ABCC1: variants seen among roughly 807,000 people sequenced by gnomAD.
The protein encoded by ABCC1 is ATP binding cassette subfamily C member 1 (ABCC1 blood group).
In ABCC1, 83 loss-of-function variants were observed where a neutral mutation model predicts 172.9. The ratio of observed to expected loss-of-function variants is 0.48; its 90% confidence interval spans 0.40 to 0.58. The LOEUF (loss-of-function observed/expected upper bound fraction) is 0.58. Among genes scored for constraint, ABCC1 ranks in the 20% least tolerant of loss-of-function variants. The pLI is 0.00. For synonymous variants in ABCC1, 937 were observed against 825.2 expected, an observed-to-expected ratio of 1.14 and a Z score of -2.32; for missense variants, 1,817 against 2,002.7, an observed-to-expected ratio of 0.91 and a Z score of 1.77.
At chr16:16,058,694 A>G (rs534871548) in intron 12 of ABCC1, among the ~76,000 whole-genome samples, 5 of 152,158 alleles carry the variant, frequency 3.3e-5, no homozygotes, top group Admixed American at 6.5e-5. Context: ...TCTGTCACCC[A>G]GGTTGGATTG....
intron 1 of ABCC1, among the ~76,000 whole-genome samples, chr16:16,007,483 C>A (rs2047588736): frequency 6.6e-6 from 1 of 152,134 alleles, no homozygotes; most frequent in South Asian, 2.1e-4. Context: ...CTTGGCCTCC[C>A]AAAGTGCTGG....
chr16:15,949,303 C>A (rs567600722), upstream of ABCC1, among the ~76,000 whole-genome samples: 6 of 152,232 alleles, frequency 3.9e-5, no homozygotes, highest in South Asian at 1.2e-3. Flanking sequence ...GTGACGGATA[C>A]TGTCCTTAAA....
chr16:16,053,069 A>G (rs1264059706), intron 11 of ABCC1, among the ~76,000 whole-genome samples: 1 of 152,148 alleles, frequency 6.6e-6, no homozygotes, highest in Non-Finnish European at 1.5e-5. Flanking sequence ...GGCAGCCAAG[A>G]TTGAGAGCTC....
intron 12 of ABCC1, among the ~76,000 whole-genome samples, chr16:16,067,662 C>A (rs1446502668): frequency 6.6e-6 from 1 of 152,122 alleles, no homozygotes; most frequent in African/African-American, 2.4e-5. Context: ...GTATGACCTT[C>A]CAGGAAGTAA....
At chr16:16,046,723 T>TC (rs1311018490) in intron 9 of ABCC1, among the ~76,000 whole-genome samples, 2 of 151,936 alleles carry the variant, frequency 1.3e-5, no homozygotes, top group African/African-American at 4.8e-5. Context: ...TTTGTGTACA[T>TC]CCAATTTCAA....
chr16:15,991,417 T>C (rs1597079247), intron 1 of ABCC1, among the ~76,000 whole-genome samples: 1 of 152,234 alleles, frequency 6.6e-6, no homozygotes, highest in East Asian at 1.9e-4. Context: ...ACATGAAAAG[T>C]ACAGGGCTTG....
At chr16:15,960,950 C>T (rs1048796090) in intron 1 of ABCC1, among the ~76,000 whole-genome samples, 5 of 151,432 alleles carry the variant, frequency 3.3e-5, no homozygotes, top group Admixed American at 6.6e-5. Flanking sequence ...TGCATGGTCC[C>T]TGGCAGAAGC....
chr16:16,025,615 A>C (rs1284069725), intron 5 of ABCC1, among the ~76,000 whole-genome samples: 1 of 152,242 alleles, frequency 6.6e-6, no homozygotes, highest in African/African-American at 2.4e-5. Context: ...TGTTTCTGAC[A>C]AACAGGTCAA....
chr16:16,080,296 T>C (rs1383153222), intron 16 of ABCC1, among the ~76,000 whole-genome samples: 1 of 152,178 alleles, frequency 6.6e-6, no homozygotes, highest in Non-Finnish European at 1.5e-5. Context: ...AATGTTTATG[T>C]GGTTGGAATA....
Position 16,131,867 on chromosome 16 carries a change from C to T in ABCC1, c.3898C>T (p.Leu1300=), listed in dbSNP as rs750117723. The stretch of plus-strand genomic sequence containing the variant: ...CCGAGTGGAATTCCGGAACTACTGC[C>T]TGCGCTACCGAGAGGACCTGGACTT... ...VGRVEFRNYC[L]RYREDLDFVL... The change falls in exon 27 of 31, where the codon CTG becomes TTG. Residue 1300 remains leucine, a synonymous_variant. Coordinates refer to ENST00000399410, the MANE Select transcript of ABCC1 (RefSeq NM_004996.4). The T allele has an allele frequency of 2.5e-6, 4 of 1,614,204 alleles. No homozygotes were observed. The highest frequency in any genetic ancestry group is 3.4e-6 in the Non-Finnish European group (4 of 1,180,026).
At chr16:16,124,680 G>A (rs551077169) in intron 24 of ABCC1, 109 bp from the exon 25 acceptor site, 28 of 1,475,742 alleles carry the variant, frequency 1.9e-5, no homozygotes, top group South Asian at 1.4e-4. Context: ...GAATTACTGC[G>A]GAGTTACTTG....
At position 16,044,494 on chromosome 16, in the gene ABCC1, C is replaced by T. The variant is rs199675371; in HGVS notation, c.854C>T (p.Pro285Leu). The change falls in exon 8 of 31, where the codon CCG becomes CTG. Residue 285 changes from proline to leucine, a missense_variant. Coordinates refer to ENST00000399410, the MANE Select transcript of ABCC1 (RefSeq NM_004996.4). Reference protein sequence around the residue: ...VVYSSKDPAQPKESSKVDANE... With the variant: ...VVYSSKDPAQLKESSKVDANE... Reference sequence around the variant, plus strand: ...TACTCCTCCAAGGATCCTGCCCAGCCGAAAGAGAGTTCCAAGGTGGATGCG... The same window carrying T: ...TACTCCTCCAAGGATCCTGCCCAGCTGAAAGAGAGTTCCAAGGTGGATGCG... The T allele has an allele frequency of 1.5e-4, 236 of 1,614,156 alleles. No homozygotes were observed. In the African/African-American group the frequency reaches 2.8e-3, roughly 19 times the overall value.
chr16:16,019,208 A>C (rs2151776580), intron 5 of ABCC1, among the ~76,000 whole-genome samples: 1 of 151,980 alleles, frequency 6.6e-6, no homozygotes, highest in Non-Finnish European at 1.5e-5. Context: ...GGTTCAAGCG[A>C]TTCTTCTGCT....
At position 16,009,882 on chromosome 16, in the gene ABCC1, C is replaced by G. The variant is rs759677129; in HGVS notation, c.332C>G (p.Thr111Ser). ...GCCCCAGTGTTTCTGGTCAGCCCAACTCTCTTGGGCATCACCATGGTAAGT... is the reference window on the plus strand; with the variant it reads ...GCCCCAGTGTTTCTGGTCAGCCCAAGTCTCTTGGGCATCACCATGGTAAGT... Reference protein sequence around the residue: ...FLAPVFLVSPTLLGITMLLAT... With the variant: ...FLAPVFLVSPSLLGITMLLAT... Residue 111 changes from threonine (T) to serine (S), a missense_variant, in exon 3 of 31, where the codon ACT becomes AGT. Transcript: ENST00000399410. The G allele has an allele frequency of 6.2e-7, 1 of 1,608,786 alleles. No homozygotes were observed. Among genetic ancestry groups the G allele is most frequent in the Non-Finnish European group, 8.5e-7 (1 of 1,177,828 alleles).
chr16:16,128,931 G>C (rs1430937788), intron 26 of ABCC1, among the ~76,000 whole-genome samples: 2 of 152,162 alleles, frequency 1.3e-5, no homozygotes, highest in African/African-American at 4.8e-5. Flanking sequence ...GGAGGTGGAG[G>C]TTGCAGTGAG....
rs151080245 is a variant in ABCC1, at chr16:16,110,585, C to T, written c.2872-790C>T. On this transcript the variant is annotated intron_variant, in intron 21 of 30. Coordinates refer to ENST00000399410, the MANE Select transcript of ABCC1 (RefSeq NM_004996.4). ...TTGTATTTTAGTAGGCAAGGGGTTT[C>T]GCCATGTTAGTCAGGCTGGTCTCAA... Among the ~76,000 whole-genome samples, 107 of 152,208 alleles carry T rather than the reference C, an allele frequency of 7.0e-4. 3 individuals carry two copies. In the East Asian group the frequency reaches 0.016, roughly 23 times the overall value.
rs1450327939 is a variant in ABCC1 at position 16,138,560 on chromosome 16, T to C, written c.4487+2T>C. 5 of 1,576,744 alleles carry C rather than the reference T, an allele frequency of 3.2e-6. No homozygotes were observed. The highest frequency in any genetic ancestry group is 4.3e-6 in the Non-Finnish European group (5 of 1,153,182). Reference sequence around the variant, plus strand: ...CAACACCATCATGGACTACACAAGGTGATGCCACTGGCACAGTGGCCTCTA... The same window carrying C: ...CAACACCATCATGGACTACACAAGGCGATGCCACTGGCACAGTGGCCTCTA... On this transcript the variant is annotated splice_donor_variant, in intron 30 of 30. Coordinates refer to ENST00000399410, the MANE Select transcript of ABCC1 (RefSeq NM_004996.4). LOFTEE classifies it high-confidence loss of function.
Position 16,083,346 on chromosome 16 carries a change from G to C in ABCC1, c.2116-20G>C, listed in dbSNP as rs372748425. 5.0e-6 allele frequency: 8 copies of C among 1,610,520 alleles called. 1 individual carries two copies. The highest frequency in any genetic ancestry group is 6.8e-6 in the Non-Finnish European group (8 of 1,178,194). ...TCTGTCTGTGTGTCTGTCTCACCTC[G>C]TTCTCCATTTGCAACTTAGGGCTCC... On this transcript the variant is annotated intron_variant, in intron 16 of 30. Transcript: ENST00000399410.
intron 12 of ABCC1, among the ~76,000 whole-genome samples, chr16:16,059,315 C>A (rs187252043): frequency 6.6e-6 from 1 of 152,104 alleles, no homozygotes; most frequent in Non-Finnish European, 1.5e-5. Context: ...TAAATACTTT[C>A]GGAATTCCGG....
Sources: gnomAD v4.1 joint callset for allele counts (sites outside exome capture counted in the v4.1 genomes callset) on GRCh38, gnomAD v4.1.1 for gene constraint, MANE v1.5 for transcripts, NCBI Gene and HGNC (gene_info 2026-07-23, HGNC 2026-07-21) for gene names.